Variants in ATE1 observed in about 807,000 individuals in gnomAD.
The protein encoded by ATE1 is arginyl-tRNA--protein transferase 1.
A neutral mutation model predicts 70.5 loss-of-function variants in ATE1; 36 were observed. The ratio of observed to expected loss-of-function variants is 0.51; its 90% confidence interval spans 0.39 to 0.67. The LOEUF is 0.67. Among genes scored for constraint, ATE1 ranks in the 30% least tolerant of loss-of-function variants. The probability of loss-of-function intolerance (pLI) is 0.00; values close to 1 mark genes in which losing one functional copy is unlikely to be tolerated. For synonymous variants in ATE1, 232 were observed against 219.3 expected, an observed-to-expected ratio of 1.06 and a Z score of -0.51; for missense variants, 593 against 629.5, an observed-to-expected ratio of 0.94 and a Z score of 0.62.
intron 7 of ATE1, among the ~76,000 whole-genome samples, chr10:121,870,467 G>C (rs1035060141): frequency 6.7e-6 from 1 of 150,106 alleles, no homozygotes; most frequent in African/African-American, 2.4e-5. Flanking sequence ...AAAGGGGAGA[G>C]GAAAGACCAG....
At chr10:121,869,194 T>C (rs548087080) in intron 8 of ATE1, among the ~76,000 whole-genome samples, 25 of 152,276 alleles carry the variant, frequency 1.6e-4, no homozygotes, top group African/African-American at 5.8e-4. Flanking sequence ...TATTTGCATC[T>C]AAAAGATAAC....
In ATE1 at chr10:121,749,739, C is replaced by T. The variant is rs72836299; in HGVS notation, c.1379-5881G>A. The stretch of plus-strand genomic sequence containing the variant: ...GTCAGCCCCCCATGCAGAACCCTCA[C>T]TTCTACAGTTTCCTCCTACCCTCAC... On this transcript the variant is annotated intron_variant, in intron 11 of 11. Coordinates refer to ENST00000224652, the MANE Select transcript of ATE1 (RefSeq NM_001001976.3). Among the ~76,000 whole-genome samples, 407 of 152,282 alleles carry T rather than the reference C, an allele frequency of 2.7e-3. 2 individuals are homozygous for T. The highest frequency in any genetic ancestry group is 3.7e-3 in the Non-Finnish European group (253 of 68,010).
chr10:121,858,091 A>G (rs912062885), intron 8 of ATE1, among the ~76,000 whole-genome samples: 6 of 152,158 alleles, frequency 3.9e-5, no homozygotes, highest in Admixed American at 6.5e-5. Flanking sequence ...TCATCCACCG[A>G]TGAATACTTG....
intron 11 of ATE1, among the ~76,000 whole-genome samples, chr10:121,746,296 C>T (rs866804274): frequency 6.6e-6 from 1 of 152,184 alleles, no homozygotes; most frequent in Non-Finnish European, 1.5e-5. Context: ...GCTAATACTT[C>T]CCCAGTGCCT....
chr10:121,831,293 G>C (rs1948224540), intron 10 of ATE1, among the ~76,000 whole-genome samples: 1 of 151,952 alleles, frequency 6.6e-6, no homozygotes, highest in African/African-American at 2.4e-5. Flanking sequence ...AACTTATTTT[G>C]CTTCCAAAAT....
intron 4 of ATE1, among the ~76,000 whole-genome samples, chr10:121,911,456 A>AAC (rs1554933108): frequency 3.4e-5 from 5 of 148,772 alleles, no homozygotes; most frequent in Admixed American, 6.7e-5. Flanking sequence ...AAAAAAAAAA[A>AAC]AAAACAAAAA....
chr10:121,899,117 C>A (rs866653357), intron 7 of ATE1: 1 of 831,154 alleles, frequency 1.2e-6, no homozygotes, highest in Non-Finnish European at 1.8e-6. Context: ...ACGAGGCAGA[C>A]GGGTGCAGAG....
intron 10 of ATE1, among the ~76,000 whole-genome samples, chr10:121,806,875 T>A (rs1436043891): frequency 2.6e-5 from 4 of 152,234 alleles, no homozygotes; most frequent in African/African-American, 9.6e-5. Flanking sequence ...AGGTTTGACA[T>A]TTTTAAAATT....
chr10:121,892,228 T>C (rs946189141), intron 7 of ATE1, among the ~76,000 whole-genome samples: 12 of 152,040 alleles, frequency 7.9e-5, no homozygotes, highest in Non-Finnish European at 1.5e-4. Flanking sequence ...ATTTCTAGGA[T>C]GAAAACACGA....
intron 1 of ATE1, 94 bp downstream of exon 1, chr10:121,927,750 G>A (rs1473546504): frequency 4.2e-6 from 6 of 1,414,602 alleles, no homozygotes; most frequent in African/African-American, 1.5e-5. Context: ...ACTGGGGCCA[G>A]GGGCTCCGGC....
intron 11 of ATE1, among the ~76,000 whole-genome samples, chr10:121,760,469 G>A (rs754768154): frequency 2.5e-4 from 38 of 152,210 alleles, no homozygotes; most frequent in Non-Finnish European, 5.1e-4. Flanking sequence ...ATTTGGAGGG[G>A]TTTGAGAATT....
chr10:121,875,986 C>T (rs1418947892), intron 7 of ATE1, among the ~76,000 whole-genome samples: 1 of 152,198 alleles, frequency 6.6e-6, no homozygotes, highest in African/African-American at 2.4e-5. Flanking sequence ...TCCCTACCAG[C>T]TCTGATTTGT....
At chr10:121,871,910 T>G (rs1011712460) in intron 7 of ATE1, among the ~76,000 whole-genome samples, 5 of 152,330 alleles carry the variant, frequency 3.3e-5, no homozygotes, top group Middle Eastern at 3.4e-3. Context: ...TATTGAAATT[T>G]AAAATGCAAG....
intron 7 of ATE1, 70 bp from the exon 8 acceptor site, chr10:121,870,108 G>A: frequency 3.5e-6 from 5 of 1,423,428 alleles, no homozygotes; most frequent in Non-Finnish European, 4.9e-6. Flanking sequence ...CAGAGAAAAA[G>A]AAAAAATTAT....
At chr10:121,913,959 A>G in intron 3 of ATE1, 66 bp from the exon 4 acceptor site, 1 of 1,255,036 alleles carries the variant, frequency 8.0e-7, no homozygotes, top group Non-Finnish European at 1.1e-6. Flanking sequence ...TCAGTTCTGG[A>G]TATCACCTAG....
intron 7 of ATE1, among the ~76,000 whole-genome samples, chr10:121,888,480 A>C (rs550425931): frequency 1.3e-5 from 2 of 152,296 alleles, no homozygotes; most frequent in East Asian, 3.9e-4. Flanking sequence ...ACAGACTTAA[A>C]TGTCCCCATC....
At chr10:121,810,003 C>T (rs1357014590) in intron 10 of ATE1, among the ~76,000 whole-genome samples, 1 of 152,080 alleles carries the variant, frequency 6.6e-6, no homozygotes, top group Non-Finnish European at 1.5e-5. Context: ...GGAAGGTTTA[C>T]TGAAGGCTGA....
chr10:121,844,467 G>GT (rs1353216318), intron 8 of ATE1, among the ~76,000 whole-genome samples: 1 of 152,188 alleles, frequency 6.6e-6, no homozygotes, highest in African/African-American at 2.4e-5. Flanking sequence ...AGGATGCAGA[G>GT]TAATAGGAAC....
rs1952163412 is a variant in ATE1 at position 121,927,824 on chromosome 10, C to G, written c.106+20G>C. 1 of 1,546,422 alleles carries G rather than the reference C, an allele frequency of 6.5e-7. No homozygotes were observed. Among genetic ancestry groups the G allele is most frequent in the African/African-American group, 1.4e-5 (1 of 70,844 alleles). ...ACCCGGGCGCCCGGCTTCCCACGCC[C>G]GCCGGCCCGGCTCGCTCACCATTGG... On this transcript the variant is annotated intron_variant, in intron 1 of 11. Coordinates refer to ENST00000224652, the MANE Select transcript of ATE1 (RefSeq NM_001001976.3).
Sources: gnomAD v4.1 joint callset for allele counts (sites outside exome capture counted in the v4.1 genomes callset) on GRCh38, gnomAD v4.1.1 for gene constraint, MANE v1.5 for transcripts, NCBI Gene and HGNC (gene_info 2026-07-23, HGNC 2026-07-21) for gene names.